The following ZNF614 variants were observed in gnomAD, a reference collection of about 807,000 sequenced individuals.
The protein encoded by ZNF614 is zinc finger protein 614.
ZNF614 carries 11 observed loss-of-function variants against 12.8 expected under a neutral mutation model. The ratio of observed to expected loss-of-function variants is 0.86; its 90% CI spans 0.54 to 1.43. ZNF614 has a LOEUF of 1.43. Among genes scored for constraint, ZNF614 ranks in the 40% most tolerant of loss-of-function variants. The pLI is 0.00. For missense variants in ZNF614, 664 were observed against 708.8 expected (o/e 0.94, Z 0.72); for synonymous variants, 237 against 237.5 (o/e 1.00, Z 0.02).
Position 52,015,313 on chromosome 19 carries a change from G to A in ZNF614, c.*527C>T, listed in dbSNP as rs1204632334. On this transcript the variant is annotated 3_prime_UTR_variant, in exon 5 of 5. Transcript: ENST00000270649. ...AAGCAGAGTGCGTCGCTGAAATCCT[G>A]CCATCAATACTGTCACCTTAAAGTT... 6.6e-6 allele frequency: 1 copy of A among 152,442 alleles called. No individual in the cohort carries two copies. The highest frequency in any genetic ancestry group is 2.4e-5 in the African/African-American group (1 of 41,442). 9.4% of individuals were successfully genotyped at this position (152,442 alleles called of 1,614,324 possible).
At chr19:52,022,996 C>T (rs1280946161) in intron 2 of ZNF614, among the ~76,000 whole-genome samples, 1 of 146,486 alleles carries the variant, frequency 6.8e-6, no homozygotes, top group African/African-American at 2.5e-5. Flanking sequence ...AGGAGAATGG[C>T]ATGAATCCGG....
rs199786864 is a variant in ZNF614 at position 52,017,315 on chromosome 19, G to A, written c.283C>T (p.Gln95Ter). The part of the protein sequence containing the change: ...DSHLQEHSPN[Q>*]RLLKSVQQCN... ...TGCTGCACGCTCTTCAGAAGTCTTT[G>A]GTTTGGAGAGTGCTCTTGCAGATGA... The change falls in exon 5 of 5, where the codon CAA becomes TAA. Residue 95 changes from glutamine to a stop codon, truncating the protein, a stop_gained. Coordinates refer to ENST00000270649, the MANE Select transcript of ZNF614 (RefSeq NM_025040.4). LOFTEE classifies it low-confidence loss of function (END_TRUNC). 11 of 1,610,784 alleles carry A rather than the reference G, an allele frequency of 6.8e-6. No individual in the cohort carries two copies. The highest frequency in any genetic ancestry group is 1.7e-6 in the Non-Finnish European group (2 of 1,178,640).
chr19:52,022,595 TA>T (rs75027990), intron 2 of ZNF614, among the ~76,000 whole-genome samples: 4,230 of 129,442 alleles, frequency 0.033, 64 homozygotes, highest in Admixed American at 0.036. Context: ...ATATATAATT[TA>T]AAAAAAAAAA....
At chr19:52,022,658 A>T (rs1285836540) in intron 2 of ZNF614, among the ~76,000 whole-genome samples, 2 of 151,916 alleles carry the variant, frequency 1.3e-5, no homozygotes, top group Non-Finnish European at 2.9e-5. Context: ...GGCTACCAGT[A>T]TTTCTGACTA....
At chr19:52,017,713 A>G in intron 4 of ZNF614, 3 of 342,252 alleles carry the variant, frequency 8.8e-6, no homozygotes, top group Non-Finnish European at 1.6e-5. Context: ...AAAAAAAAAA[A>G]AAAATCTTAG....
chr19:52,018,286 T>C (rs2086913010), intron 3 of ZNF614, 82 bp downstream of exon 3: 1 of 1,602,972 alleles, frequency 6.2e-7, no homozygotes, highest in Admixed American at 1.7e-5. Flanking sequence ...CCACAGTGAC[T>C]GTAAAGCTTT....
At chr19:52,021,007 G>A (rs1277715398) in intron 2 of ZNF614, among the ~76,000 whole-genome samples, 1 of 152,206 alleles carries the variant, frequency 6.6e-6, no homozygotes, top group African/African-American at 2.4e-5. Context: ...GTGACAAGAT[G>A]CCACTTTAAG....
chr19:52,019,214 A>G (rs2086919579), intron 2 of ZNF614, among the ~76,000 whole-genome samples: 1 of 152,176 alleles, frequency 6.6e-6, no homozygotes, highest in Non-Finnish European at 1.5e-5. Context: ...GATTAACAGC[A>G]TATTAGATAC....
In ZNF614 at chr19:52,013,335, G is replaced by C. The variant is rs1346060381; in HGVS notation, c.*2505C>G. ...GCAAAAGCTGTATGTAGATTTCACA[G>C]CATCTTTATTTATAGCACTTAAAAC... On this transcript the variant is annotated 3_prime_UTR_variant, in exon 5 of 5. Transcript: ENST00000270649. 2 of 293,746 alleles carry C rather than the reference G, an allele frequency of 6.8e-6. No homozygotes were observed. The highest frequency in any genetic ancestry group is 1.3e-5 in the Non-Finnish European group (2 of 149,890). The allele number at this position is 293,746 out of a possible 1,614,324, so 18.2% of individuals were successfully genotyped here.
Position 52,017,260 on chromosome 19 carries a change from A to G in ZNF614, c.338T>C (p.Ile113Thr), listed in dbSNP as rs766080950. ...QCNGQNTLRN[I>T]VHLSKTHFPI... ...AAAATGTGTCTTGCTGAGATGTACA[A>G]TATTTCTAAGTGTATTCTGTCCATT... is the stretch of plus-strand genomic sequence containing the variant. The change falls in exon 5 of 5, where the codon ATT becomes ACT. Residue 113 changes from isoleucine (I) to threonine (T), a missense_variant. Ile to Thr is a moderately conservative substitution (Grantham distance 89, BLOSUM62 -1). Transcript: ENST00000270649. 20 of 1,614,102 alleles carry G rather than the reference A, an allele frequency of 1.2e-5. No individual in the cohort carries two copies. The highest frequency in any genetic ancestry group is 1.7e-5 in the Non-Finnish European group (20 of 1,180,050).
intron 1 of ZNF614, among the ~76,000 whole-genome samples, chr19:52,026,585 C>CGTGGGAAGGGAAA (rs2086974908): frequency 6.6e-6 from 1 of 152,128 alleles, no homozygotes; most frequent in Non-Finnish European, 1.5e-5. Context: ...GATATGGCCT[C>CGTGGGAAGGGAAA]GTGGGAAGGG....
intron 2 of ZNF614, among the ~76,000 whole-genome samples, chr19:52,019,857 G>C (rs2086922934): frequency 6.6e-6 from 1 of 152,172 alleles, no homozygotes; most frequent in African/African-American, 2.4e-5. Flanking sequence ...AAGATCCAAG[G>C]AAATACTGAT....
At chr19:52,025,672 T>A in intron 2 of ZNF614, 59 bp downstream of exon 2, 1 of 1,590,188 alleles carries the variant, frequency 6.3e-7, no homozygotes, top group Non-Finnish European at 8.6e-7. Flanking sequence ...CTTCCTTAAG[T>A]TCAACTGACT....
intron 2 of ZNF614, among the ~76,000 whole-genome samples, chr19:52,024,831 C>T (rs781569772): frequency 1.3e-5 from 2 of 152,192 alleles, no homozygotes; most frequent in African/African-American, 2.4e-5. Flanking sequence ...AAGGTTTCTT[C>T]CCAAGTGATA....
In ZNF614 at chr19:52,014,161, A is replaced by ATATG. The variant is rs1228699546; in HGVS notation, c.*1675_*1678dup. The ATATG allele has an allele frequency of 1.3e-5, 2 of 152,258 alleles. No individual in the cohort carries two copies. Among genetic ancestry groups the ATATG allele is most frequent in the Non-Finnish European group, 2.9e-5 (2 of 68,048 alleles). The allele number at this position is 152,258 out of a possible 1,614,324, so 9.4% of individuals were successfully genotyped here. ...AAAGAAAGGAAAAGAGCTAATCATA[A>ATATG]TATGGGGTGGTTGTTCTGGAGTATT... On this transcript the variant is annotated 3_prime_UTR_variant, in exon 5 of 5. Coordinates refer to ENST00000270649, the MANE Select transcript of ZNF614 (RefSeq NM_025040.4).
intron 4 of ZNF614, chr19:52,017,648 C>T (rs1320996737): frequency 5.4e-6 from 2 of 369,970 alleles, no homozygotes. Flanking sequence ...TTGCAGCAAG[C>T]CGAGATTGGG....
At chr19:52,023,892 G>A (rs546150527) in intron 2 of ZNF614, among the ~76,000 whole-genome samples, 6 of 152,190 alleles carry the variant, frequency 3.9e-5, no homozygotes, top group African/African-American at 1.2e-4. Flanking sequence ...ACAGACAGTT[G>A]GAACTTTCAG....
At chr19:52,024,959 C>T (rs1312068476) in intron 2 of ZNF614, among the ~76,000 whole-genome samples, 1 of 152,000 alleles carries the variant, frequency 6.6e-6, no homozygotes, top group Non-Finnish European at 1.5e-5. Context: ...GGCCTTTTTG[C>T]AGTTGAGATA....
In ZNF614 at chr19:52,013,582, T is replaced by C. The variant is rs1406998298; in HGVS notation, c.*2258A>G. ...TACTCTCTATCAATAAAAATTCATA[T>C]AACTTATTTATATAAAATTTATAAA... is the stretch of plus-strand genomic sequence containing the variant. On this transcript the variant is annotated 3_prime_UTR_variant, in exon 5 of 5. Coordinates refer to ENST00000270649, the MANE Select transcript of ZNF614 (RefSeq NM_025040.4). The C allele has an allele frequency of 6.6e-6, 1 of 152,120 alleles. No individual in the cohort carries two copies. Among genetic ancestry groups the C allele is most frequent in the African/African-American group, 2.4e-5 (1 of 41,452 alleles). The allele number at this position is 152,120 out of a possible 1,614,324, so 9.4% of individuals were successfully genotyped here.
Sources: allele counts gnomAD v4.1 joint callset (sites outside exome capture counted in the v4.1 genomes callset), GRCh38; gene constraint gnomAD v4.1.1; transcripts MANE v1.5; gene names NCBI Gene and HGNC (gene_info 2026-07-23, HGNC 2026-07-21).